The following TMEM132B variants were observed in gnomAD, a reference collection of about 807,000 sequenced individuals.
The protein encoded by TMEM132B is transmembrane protein 132B.
In TMEM132B, 18 loss-of-function variants were observed where a neutral mutation model predicts 90.8. That is an observed-to-expected ratio of 0.20 (90% CI 0.14 to 0.29). The LOEUF is 0.29. Among genes scored for constraint, TMEM132B ranks in the 10% least tolerant of loss-of-function variants. The probability of loss-of-function intolerance (pLI) is 1.00; values close to 1 mark genes in which losing one functional copy is unlikely to be tolerated. For synonymous variants in TMEM132B, 504 were observed against 523.3 expected (o/e 0.96, Z 0.50); for missense variants, 1,096 against 1,326.8 (o/e 0.83, Z 2.70).
At chr12:125,360,713 A>C (rs1169767356) in intron 2 of TMEM132B, among the ~76,000 whole-genome samples, 1 of 152,038 alleles carries the variant, frequency 6.6e-6, no homozygotes. Context: ...AAATCAGGGC[A>C]GGCCTCCTGG....
At chr12:125,295,242 G>A (rs547711208) in intron 1 of TMEM132B, among the ~76,000 whole-genome samples, 20 of 152,336 alleles carry the variant, frequency 1.3e-4, no homozygotes, top group Non-Finnish European at 2.4e-4. Flanking sequence ...AGAGCACTCC[G>A]TGGCTGGGCT....
chr12:125,320,280 C>A (rs1876394272), intron 1 of TMEM132B, among the ~76,000 whole-genome samples: 1 of 152,220 alleles, frequency 6.6e-6, no homozygotes. Flanking sequence ...AAATTGCTGG[C>A]CTACGTTAAA....
intron 3 of TMEM132B, among the ~76,000 whole-genome samples, chr12:125,480,659 C>T (rs1882014338): frequency 2.0e-5 from 3 of 152,168 alleles, no homozygotes. Flanking sequence ...GACGGATTCA[C>T]AGCTGAATTC....
At position 125,479,453 on chromosome 12, in the gene TMEM132B, G is replaced by C. The variant is rs147581578; in HGVS notation, c.1107-39986G>C. ...AAATGGAAAGCAAAGAAAAGCAGAGGCTGCAATCCTAGTCTCTGATAAAAC... is the reference window on the plus strand; with the variant it reads ...AAATGGAAAGCAAAGAAAAGCAGAGCCTGCAATCCTAGTCTCTGATAAAAC... On this transcript the variant is annotated intron_variant, in intron 3 of 8. Transcript: ENST00000682704. 3.9e-3 allele frequency among the ~76,000 whole-genome samples: 598 copies of C among 152,214 alleles called. 6 individuals are homozygous for C. Among genetic ancestry groups the C allele is most frequent in the African/African-American group, 0.013 (550 of 41,522 alleles).
chr12:125,518,159 T>G (rs746224772), intron 3 of TMEM132B, among the ~76,000 whole-genome samples: 1 of 152,174 alleles, frequency 6.6e-6, no homozygotes, highest in Non-Finnish European at 1.5e-5. Context: ...TTGTCAGTGC[T>G]GTGGCTGTAT....
intron 5 of TMEM132B, among the ~76,000 whole-genome samples, chr12:125,605,268 GGTT>G: frequency 6.6e-6 from 1 of 152,164 alleles, no homozygotes; most frequent in East Asian, 1.9e-4. Flanking sequence ...GTGAGTGGGT[GGTT>G]AGCAATCATC....
chr12:125,223,829 T>C (rs948483146), intron 1 of TMEM132B, among the ~76,000 whole-genome samples: 7 of 152,200 alleles, frequency 4.6e-5, no homozygotes, highest in African/African-American at 1.7e-4. Context: ...CTCTATTGCC[T>C]AGGGTGGCGC....
rs535922038 is a variant in TMEM132B at position 125,339,874 on chromosome 12, G to A, written c.68-9578G>A. On this transcript the variant is annotated intron_variant, in intron 1 of 8. Coordinates refer to ENST00000682704, the MANE Select transcript of TMEM132B (RefSeq NM_001366854.1). The stretch of plus-strand genomic sequence containing the variant: ...ATACAGTCACATTCTGAGGTGCCAA[G>A]GGTTAGGACTTGAACGTATGAATTT... Among the ~76,000 whole-genome samples the A allele has an allele frequency of 1.9e-4, 29 of 152,292 alleles. No individual in the cohort carries two copies. The South Asian group carries it at 5.6e-3, about 29-fold the overall frequency.
intron 4 of TMEM132B, among the ~76,000 whole-genome samples, chr12:125,543,675 C>T (rs1364210234): frequency 1.3e-5 from 2 of 152,066 alleles, no homozygotes; most frequent in South Asian, 2.1e-4. Flanking sequence ...GTTAGAATGG[C>T]GATTATTAAG....
At chr12:125,480,651 C>T (rs568062841) in intron 3 of TMEM132B, among the ~76,000 whole-genome samples, 2 of 152,074 alleles carry the variant, frequency 1.3e-5, no homozygotes, top group Admixed American at 6.6e-5. Flanking sequence ...CAGGACCAGA[C>T]GGATTCACAG....
Position 125,618,413 on chromosome 12 carries a change from C to T in TMEM132B, c.1438-25663C>T, listed in dbSNP as rs117022371. ...AGTGGAGATGAGGAATGTTGGTAGC[C>T]TGCCTCCCCTTGGGAAATAACACAG... is the stretch of plus-strand genomic sequence containing the variant. On this transcript the variant is annotated intron_variant, in intron 5 of 8. Coordinates refer to ENST00000682704, the MANE Select transcript of TMEM132B (RefSeq NM_001366854.1). Among the ~76,000 whole-genome samples, 104 of 152,226 alleles carry T rather than the reference C, an allele frequency of 6.8e-4. 3 individuals carry two copies. In the East Asian group the frequency reaches 0.018, roughly 27 times the overall value.
intron 1 of TMEM132B, among the ~76,000 whole-genome samples, chr12:125,297,037 G>A (rs1468123974): frequency 6.6e-6 from 1 of 152,246 alleles, no homozygotes; most frequent in Non-Finnish European, 1.5e-5. Flanking sequence ...GCAGTGGGAA[G>A]AATGGTCTTG....
intron 1 of TMEM132B, among the ~76,000 whole-genome samples, chr12:125,278,049 G>A (rs567223278): frequency 2.0e-5 from 3 of 152,282 alleles, no homozygotes; most frequent in Admixed American, 1.3e-4. Context: ...CGCTTGTTTC[G>A]TGATAGATCT....
chr12:125,324,232 A>G (rs760454084), intron 1 of TMEM132B, among the ~76,000 whole-genome samples: 9 of 152,240 alleles, frequency 5.9e-5, no homozygotes, highest in Non-Finnish European at 1.3e-4. Context: ...GTAAATAAAT[A>G]TATTGACAAA....
chr12:125,432,413 A>ATATATGTATGTG, intron 3 of TMEM132B, among the ~76,000 whole-genome samples: 1 of 67,520 alleles, frequency 1.5e-5, no homozygotes, highest in Non-Finnish European at 2.5e-5. Context: ...GTATGTGTAT[A>ATATATGTATGTG]TATATATATG....
chr12:125,348,010 C>T (rs544800292), intron 1 of TMEM132B, among the ~76,000 whole-genome samples: 14 of 152,234 alleles, frequency 9.2e-5, no homozygotes, highest in Non-Finnish European at 2.1e-4. Context: ...GTTCTATAGA[C>T]ACACAAACAT....
intron 1 of TMEM132B, among the ~76,000 whole-genome samples, chr12:125,319,531 A>T (rs1275666574): frequency 1.3e-5 from 2 of 152,198 alleles, no homozygotes; most frequent in African/African-American, 4.8e-5. Flanking sequence ...ACTCTGATCC[A>T]TCACACATCC....
At chr12:125,294,376 T>C (rs1875616505) in intron 1 of TMEM132B, among the ~76,000 whole-genome samples, 1 of 152,234 alleles carries the variant, frequency 6.6e-6, no homozygotes, top group South Asian at 2.1e-4. Context: ...TTGGACCTGG[T>C]AATTCCACTG....
chr12:125,343,168 T>C (rs1877247094), intron 1 of TMEM132B, among the ~76,000 whole-genome samples: 1 of 152,202 alleles, frequency 6.6e-6, no homozygotes, highest in Non-Finnish European at 1.5e-5. Context: ...CCCAAATTGT[T>C]GCATAGGATC....
Sources: allele counts gnomAD v4.1 joint callset (sites outside exome capture counted in the v4.1 genomes callset), GRCh38; gene constraint gnomAD v4.1.1; transcripts MANE v1.5; gene names NCBI Gene and HGNC (gene_info 2026-07-23, HGNC 2026-07-21).